FTH1: variants seen among roughly 807,000 people sequenced by gnomAD.
FTH1 encodes the protein ferritin heavy chain.
FTH1 carries 3 observed loss-of-function variants against 21.8 expected under a neutral mutation model. The ratio of observed to expected loss-of-function variants is 0.14; its 90% CI spans 0.06 to 0.36. FTH1 has a LOEUF of 0.36. FTH1 is among the 10% of genes least tolerant of loss of function. FTH1 has a pLI of 1.00. For missense variants in FTH1, 147 were observed against 225.8 expected, an observed-to-expected ratio of 0.65 and a Z score of 2.24; for synonymous variants, 83 against 90.1, an observed-to-expected ratio of 0.92 and a Z score of 0.45.
intron 1 of FTH1, chr11:61,967,084 G>A (rs1296697533): frequency 5.6e-6 from 2 of 359,034 alleles, no homozygotes; most frequent in African/African-American, 2.2e-5. Context: ...GGTGTGCAGA[G>A]GCGGCCCTGG....
intron 1 of FTH1, 164 bp downstream of exon 1, chr11:61,967,148 T>C (rs930751709): frequency 6.8e-6 from 3 of 442,332 alleles, no homozygotes; most frequent in Admixed American, 4.7e-5. Context: ...TGCCCCGACT[T>C]TCTGCGCCAG....
chr11:61,967,234 A>T, intron 1 of FTH1, 78 bp downstream of exon 1: 1 of 821,630 alleles, frequency 1.2e-6, no homozygotes, highest in Non-Finnish European at 1.8e-6. Flanking sequence ...GCGGGTGGCC[A>T]CACCCCCGGC....
intron 1 of FTH1, among the ~76,000 whole-genome samples, chr11:61,965,791 T>C (rs1440644188): frequency 6.6e-6 from 1 of 152,138 alleles, no homozygotes; most frequent in African/African-American, 2.4e-5. Flanking sequence ...TGGGGCAATG[T>C]CTTAAGGATC....
intron 1 of FTH1, among the ~76,000 whole-genome samples, chr11:61,966,497 C>A (rs1340360583): frequency 2.6e-5 from 4 of 152,186 alleles, no homozygotes; most frequent in Non-Finnish European, 5.9e-5. Context: ...TTTGGACAAT[C>A]ACAAGGCAAT....
At position 61,964,318 on chromosome 11, in the gene FTH1, G is replaced by T. The variant is rs1204474226; in HGVS notation, c.*409C>A. On this transcript the variant is annotated 3_prime_UTR_variant, in exon 4 of 4. Transcript: ENST00000273550. ...TTAATGCCTTTTATTCATAAAAACT[G>T]TGAAAGCTAGACTGAACCATTGGAA... 1 of 1,072,816 alleles carries T rather than the reference G, an allele frequency of 9.3e-7. No individual in the cohort carries two copies. The highest frequency in any genetic ancestry group is 2.6e-5 in the East Asian group (1 of 38,734). 66.5% of individuals were successfully genotyped at this position (1,072,816 alleles called of 1,614,324 possible).
At position 61,965,132 on chromosome 11, in the gene FTH1, T is replaced by C; in HGVS notation, c.262-20A>G. 6.2e-7 allele frequency: 1 copy of C among 1,602,894 alleles called. No homozygotes were observed. Among genetic ancestry groups the C allele is most frequent in the South Asian group, 1.1e-5 (1 of 91,090 alleles). ...TGGTTTCTGAATGAGAATAGGTTAATGCATCTCTACCAACTAACCTAGAAG... is the reference window on the plus strand; with the variant it reads ...TGGTTTCTGAATGAGAATAGGTTAACGCATCTCTACCAACTAACCTAGAAG... On this transcript the variant is annotated intron_variant, in intron 2 of 3. Transcript: ENST00000273550.
Position 61,964,733 on chromosome 11 carries a change from T to C in FTH1, c.546A>G (p.Glu182=), listed in dbSNP as rs1591320089. The C allele has an allele frequency of 6.3e-7, 1 of 1,598,392 alleles. No homozygotes were observed. Among genetic ancestry groups the C allele is most frequent in the Non-Finnish European group, 8.5e-7 (1 of 1,179,854 alleles). Residue 182 remains glutamate, a synonymous_variant, in exon 4 of 4, where the codon GAA becomes GAG. Transcript: ENST00000273550. ...DKHTLGDSDN[E]S ...GGGGAAATTAGCCCGAGGCTTAGCT[T>C]TCATTATCACTGTCTCCCAGGGTGT...
chr11:61,966,482 G>A (rs531098214), intron 1 of FTH1, among the ~76,000 whole-genome samples: 65 of 152,290 alleles, frequency 4.3e-4, no homozygotes, highest in African/African-American at 1.2e-3. Context: ...TTATTCTTGG[G>A]ATAGTTTGGA....
chr11:61,967,082 G>A, intron 1 of FTH1: 1 of 356,714 alleles, frequency 2.8e-6, no homozygotes, highest in East Asian at 5.3e-5. Flanking sequence ...AGGGTGTGCA[G>A]AGGCGGCCCT....
chr11:61,964,944 C>A lies in FTH1; in HGVS notation c.387+43G>T, dbSNP rs776738846. ...TGGGCAGCTTTCCCAATCCCTAAGG[C>A]AAATGATTTCCTCCATTTATTTCCT... On this transcript the variant is annotated intron_variant, in intron 3 of 3. Coordinates refer to ENST00000273550, the MANE Select transcript of FTH1 (RefSeq NM_002032.3). The A allele has an allele frequency of 3.8e-5, 61 of 1,614,026 alleles. No homozygotes were observed. The South Asian group carries it at 5.7e-4, about 15-fold the overall frequency.
chr11:61,964,331 T>A lies in FTH1; in HGVS notation c.*396A>T. The A allele has an allele frequency of 1.0e-6, 1 of 985,540 alleles. No individual in the cohort carries two copies. Among genetic ancestry groups the A allele is most frequent in the Non-Finnish European group, 1.5e-6 (1 of 685,472 alleles). The allele number at this position is 985,540 out of a possible 1,614,324, so 61.0% of individuals were successfully genotyped here. ...TTCATAAAAACTGTGAAAGCTAGACTGAACCATTGGAAACATTTAACTCAG... is the reference window on the plus strand; with the variant it reads ...TTCATAAAAACTGTGAAAGCTAGACAGAACCATTGGAAACATTTAACTCAG... On this transcript the variant is annotated 3_prime_UTR_variant, in exon 4 of 4. Coordinates refer to ENST00000273550, the MANE Select transcript of FTH1 (RefSeq NM_002032.3).
intron 1 of FTH1, among the ~76,000 whole-genome samples, chr11:61,966,229 G>T (rs1364657999): frequency 6.6e-6 from 1 of 152,148 alleles, no homozygotes; most frequent in Non-Finnish European, 1.5e-5. Context: ...AGCCGAGATC[G>T]CGCCACTGCA....
intron 1 of FTH1, among the ~76,000 whole-genome samples, chr11:61,966,806 C>G (rs1205892500): frequency 1.3e-5 from 2 of 152,246 alleles, no homozygotes; most frequent in East Asian, 3.9e-4. Context: ...TACGGCTGCT[C>G]GAGAGGGATC....
chr11:61,967,202 G>T, intron 1 of FTH1, 110 bp downstream of exon 1: 1 of 530,112 alleles, frequency 1.9e-6, no homozygotes. Flanking sequence ...TTCCAGAAGG[G>T]CGCAGGGAGG....
intron 1 of FTH1, 144 bp from the exon 2 acceptor site, chr11:61,965,659 TG>T: frequency 2.4e-6 from 2 of 839,518 alleles, no homozygotes; most frequent in Non-Finnish European, 4.0e-6. Flanking sequence ...CTAAGGAGAC[TG>T]GGGGGCAGAT....
chr11:61,965,227 T>C, intron 2 of FTH1, 115 bp from the exon 3 acceptor site: 2 of 1,593,384 alleles, frequency 1.3e-6, no homozygotes, highest in Non-Finnish European at 1.7e-6. Flanking sequence ...TAATTTAGTT[T>C]AGATGGTAAG....
At chr11:61,965,613 T>C in intron 1 of FTH1, 98 bp from the exon 2 acceptor site, 1 of 1,360,922 alleles carries the variant, frequency 7.3e-7, no homozygotes, top group Non-Finnish European at 1.0e-6. Flanking sequence ...CAGCCTAGGC[T>C]TCCTTTCTCA....
chr11:61,967,173 A>AT (rs1942478926), intron 1 of FTH1, 139 bp downstream of exon 1: 1 of 468,424 alleles, frequency 2.1e-6, no homozygotes, highest in Non-Finnish European at 3.7e-6. Flanking sequence ...GTCCTCGGAA[A>AT]CCTCGAGCAG....
At position 61,967,617 on chromosome 11, in the gene FTH1, C is replaced by A. The variant is rs922106202; in HGVS notation, c.-192G>T. The A allele has an allele frequency of 6.0e-6, 4 of 663,384 alleles. No homozygotes were observed. Among genetic ancestry groups the A allele is most frequent in the African/African-American group, 5.4e-5 (3 of 55,436 alleles). The allele number at this position is 663,384 out of a possible 1,614,324, so 41.1% of individuals were successfully genotyped here. A position where few individuals can be genotyped will look rare whatever the true frequency, so the allele number is the denominator to read the frequency against. ...TGAAGCAGGAAACCCCGACGACTCTCGGCGAAGAACGTCTGGCCCTGCGGG... is the reference window on the plus strand; with the variant it reads ...TGAAGCAGGAAACCCCGACGACTCTAGGCGAAGAACGTCTGGCCCTGCGGG... On this transcript the variant is annotated 5_prime_UTR_variant, in exon 1 of 4. Transcript: ENST00000273550.
Sources: gnomAD v4.1 joint callset for allele counts (sites outside exome capture counted in the v4.1 genomes callset) on GRCh38, gnomAD v4.1.1 for gene constraint, MANE v1.5 for transcripts, NCBI Gene and HGNC (gene_info 2026-07-23, HGNC 2026-07-21) for gene names.